COL6A5: variants seen among roughly 807,000 people sequenced by gnomAD.
COL6A5 encodes the protein collagen alpha-5(VI) chain.
In COL6A5, 48 loss-of-function variants were observed where a neutral mutation model predicts 65.6. That is an observed-to-expected ratio of 0.73 (90% CI 0.58 to 0.93). COL6A5 has a LOEUF of 0.93. Ranked by LOEUF, COL6A5 falls within the 40% of genes least tolerant of loss-of-function variation. The probability of loss-of-function intolerance (pLI) is 0.00; values close to 1 mark genes in which losing one functional copy is unlikely to be tolerated. For synonymous variants in COL6A5, 291 were observed against 322.8 expected, an observed-to-expected ratio of 0.90 and a Z score of 1.05; for missense variants, 914 against 928.3, an observed-to-expected ratio of 0.98 and a Z score of 0.20.
intron 1 of COL6A5, among the ~76,000 whole-genome samples, chr3:130,435,221 G>T (rs1937990217): frequency 6.6e-6 from 1 of 152,102 alleles, no homozygotes; most frequent in African/African-American, 2.4e-5. Context: ...GCTTGTTTTT[G>T]TTAGGTTTGT....
At chr3:130,375,191 C>A (rs1935719419) in intron 2 of COL6A5, among the ~76,000 whole-genome samples, 1 of 152,182 alleles carries the variant, frequency 6.6e-6, no homozygotes. Flanking sequence ...GGCAACAGCT[C>A]ATGGCTGTGC....
chr3:130,395,551 A>C, intron 8 of COL6A5, 86 bp downstream of exon 8: 1 of 978,964 alleles, frequency 1.0e-6, no homozygotes, highest in Non-Finnish European at 1.5e-6. Context: ...GCTCTAGCAG[A>C]GCATATATTT....
chr3:130,386,082 C>T (rs1004547954), intron 5 of COL6A5, among the ~76,000 whole-genome samples: 1 of 151,982 alleles, frequency 6.6e-6, no homozygotes, highest in African/African-American at 2.4e-5. Flanking sequence ...ACTTACACCA[C>T]TTACTAGTTC....
chr3:130,472,270 TC>T (rs1709971252), intron 7 of COL6A5, among the ~76,000 whole-genome samples: 1 of 151,920 alleles, frequency 6.6e-6, no homozygotes, highest in South Asian at 2.1e-4. Context: ...GCAAGGAGCC[TC>T]CAGAGTTTTA....
At chr3:130,457,049 G>A (rs777100594) in intron 5 of COL6A5, among the ~76,000 whole-genome samples, 5 of 112,972 alleles carry the variant, frequency 4.4e-5, no homozygotes, top group East Asian at 2.6e-4. Flanking sequence ...ATTCAAATGT[G>A]TATTTTTTTA....
upstream of COL6A5, among the ~76,000 whole-genome samples, chr3:130,429,818 C>T (rs1169106826): frequency 6.6e-6 from 1 of 152,200 alleles, no homozygotes; most frequent in Non-Finnish European, 1.5e-5. Flanking sequence ...AAGTCAGTTT[C>T]TCCCCAGTGC....
chr3:130,477,020 AC>A (rs1710116263), intron 7 of COL6A5: 6 of 1,218,434 alleles, frequency 4.9e-6, no homozygotes, highest in Non-Finnish European at 7.0e-6. Flanking sequence ...ACTGAGTTGT[AC>A]TTTGTCTTTT....
At chr3:130,417,256 A>G (rs1037411999) in intron 24 of COL6A5, among the ~76,000 whole-genome samples, 1 of 152,074 alleles carries the variant, frequency 6.6e-6, no homozygotes, top group Non-Finnish European at 1.5e-5. Flanking sequence ...CCTGCAGAGG[A>G]CATGAACTCC....
Position 130,362,304 on chromosome 3 carries a change from ATATATATATATATATATATATATT to A in COL6A5, c.-28-11305_-28-11282del, listed in dbSNP as rs1307768146. Among the ~76,000 whole-genome samples the A allele has an allele frequency of 9.3e-3, 71 of 7,666 alleles. 2 individuals carry two copies. The highest frequency in any genetic ancestry group is 0.025 in the African/African-American group (31 of 1,244). The allele number at this position is 7,666 out of a possible 152,430, so 5.0% of individuals were successfully genotyped here. A position where few individuals can be genotyped will look rare whatever the true frequency, so the allele number is the denominator to read the frequency against. On this transcript the variant is annotated intron_variant and NMD_transcript_variant, in intron 1 of 41. Coordinates refer to the COL6A5 transcript ENST00000312481. The stretch of plus-strand genomic sequence containing the variant: ...TGTCTTTCTCCATATATATATATAT[ATATATATATATATATATATATATT>A]TTTTTTTTTTTTTTTTTTTGCATGT...
At chr3:130,387,056 G>A (rs560513842) in intron 5 of COL6A5, among the ~76,000 whole-genome samples, 87 of 152,074 alleles carry the variant, frequency 5.7e-4, no homozygotes, top group Non-Finnish European at 1.0e-3. Flanking sequence ...TAGAGAGGCT[G>A]TTCCATCCTC....
chr3:130,439,373 G>GTGTGTGTC (rs1709114684), intron 1 of COL6A5, 149 bp from the exon 34 acceptor site: 1 of 555,810 alleles, frequency 1.8e-6, no homozygotes, highest in South Asian at 2.0e-5. Flanking sequence ...GTGTGTGTGT[G>GTGTGTGTC]TGTGTGAACA....
In COL6A5 at chr3:130,484,543, T is replaced by C. The variant is rs1710326620; in HGVS notation, c.*502T>C. 4 of 399,036 alleles carry C rather than the reference T, an allele frequency of 1.0e-5. No individual in the cohort carries two copies. In the South Asian group the frequency reaches 5.1e-4, roughly 51 times the overall value. 24.7% of individuals were successfully genotyped at this position (399,036 alleles called of 1,614,324 possible). A position where few individuals can be genotyped will look rare whatever the true frequency, so the allele number is the denominator to read the frequency against. ...ACCCTAACATTTCATCTAGCAGTGA[T>C]TGTCTTCTAAAACCCACCTGTCAGG... On this transcript the variant is annotated 3_prime_UTR_variant, in exon 8 of 8. Transcript: ENST00000512836.
exon 7 of COL6A5, chr3:130,391,455 A>G (rs1241060019): frequency 6.4e-7 from 1 of 1,551,730 alleles, no homozygotes; most frequent in Non-Finnish European, 8.7e-7. Context: ...AAGGCTCTCA[A>G]GCACGCAAAT....
In COL6A5 at chr3:130,406,023, C is replaced by A; in HGVS notation, c.4380+4C>A. 2.6e-6 allele frequency: 4 copies of A among 1,551,366 alleles called. No individual in the cohort carries two copies. The highest frequency in any genetic ancestry group is 3.5e-6 in the Non-Finnish European group (4 of 1,146,718). On this transcript the variant is annotated splice_donor_region_variant and intron_variant and NMD_transcript_variant, in intron 15 of 41. Coordinates refer to the COL6A5 transcript ENST00000312481. ...CAAAGGATTTTCTGGACCTAAGGTA[C>A]TGGAGTTTTTTCTTAGTTTAATTTG...
intron 1 of COL6A5, among the ~76,000 whole-genome samples, chr3:130,369,485 T>C (rs1368192394): frequency 6.6e-6 from 1 of 152,160 alleles, no homozygotes; most frequent in African/African-American, 2.4e-5. Flanking sequence ...TCTTAGAGGG[T>C]TGCAAGCTTT....
At chr3:130,388,948 G>A in exon 6 of COL6A5, 1 of 1,547,384 alleles carries the variant, frequency 6.5e-7, no homozygotes, top group Non-Finnish European at 8.7e-7. Flanking sequence ...GCAGGATGAT[G>A]TGAGAGATCC....
At chr3:130,372,045 C>G (rs1357701239) in intron 1 of COL6A5, among the ~76,000 whole-genome samples, 1 of 151,792 alleles carries the variant, frequency 6.6e-6, no homozygotes, top group Non-Finnish European at 1.5e-5. Flanking sequence ...GATGTTTCAC[C>G]AAATAAGAGA....
At chr3:130,465,304 G>C (rs1202256034) in intron 5 of COL6A5, among the ~76,000 whole-genome samples, 1 of 152,076 alleles carries the variant, frequency 6.6e-6, no homozygotes, top group Non-Finnish European at 1.5e-5. Context: ...CCAGAGGTCT[G>C]TGGAGGGTCT....
chr3:130,352,247 G>A (rs1458989077), intron 1 of COL6A5, among the ~76,000 whole-genome samples: 2 of 152,070 alleles, frequency 1.3e-5, no homozygotes, highest in Non-Finnish European at 2.9e-5. Flanking sequence ...CATGGCACAT[G>A]TATACCTGTG....
Sources: allele counts gnomAD v4.1 joint callset (sites outside exome capture counted in the v4.1 genomes callset), GRCh38; gene constraint gnomAD v4.1.1; transcripts MANE v1.5; gene names NCBI Gene and HGNC (gene_info 2026-07-23, HGNC 2026-07-21).